Variants in TIGD1 observed in about 807,000 individuals in gnomAD.
The protein encoded by TIGD1 is tigger transposable element-derived protein 1.
In TIGD1, 20 loss-of-function variants were observed where a neutral mutation model predicts 21.3. The ratio of observed to expected loss-of-function variants is 0.94; its 90% CI spans 0.66 to 1.36. TIGD1 has a LOEUF of 1.36. Among genes scored for constraint, TIGD1 ranks in the 40% most tolerant of loss-of-function variants. TIGD1 has a pLI of 0.00. For synonymous variants in TIGD1, 177 were observed against 123.2 expected (o/e 1.44, Z -2.89); for missense variants, 556 against 350.5 (o/e 1.59, Z -4.68).
rs1375693286 is a variant in TIGD1 at position 232,546,944 on chromosome 2, G to A, written c.*1163C>T. On this transcript the variant is annotated 3_prime_UTR_variant, in exon 1 of 1. Coordinates refer to ENST00000408957, the MANE Select transcript of TIGD1 (RefSeq NM_145702.4). ...GAGGAGACTTTGACTGGCCTCCCTT[G>A]ACCCCACTAATCAGGTAGTAAGGCT... Among the ~76,000 whole-genome samples, 2 of 140,892 alleles carry A rather than the reference G, an allele frequency of 1.4e-5. No individual in the cohort carries two copies. The highest frequency in any genetic ancestry group is 3.1e-5 in the Non-Finnish European group (2 of 64,712). The allele number at this position is 140,892 out of a possible 152,430, so 92.4% of individuals were successfully genotyped here.
chr2:232,549,755 A>T lies in TIGD1; in HGVS notation c.128T>A (p.Leu43Gln), dbSNP rs1032371270. 2.9e-6 allele frequency: 4 copies of T among 1,389,494 alleles called. No individual in the cohort carries two copies. The highest frequency in any genetic ancestry group is 3.0e-6 in the Non-Finnish European group (3 of 999,300). The allele number at this position is 1,389,494 out of a possible 1,614,324, so 86.1% of individuals were successfully genotyped here. A position where few individuals can be genotyped will look rare whatever the true frequency, so the allele number is the denominator to read the frequency against. ...KAEIGRRLGL[L>Q]RQTVSQVVNA... The stretch of plus-strand genomic sequence containing the variant: ...TACAACTTGGCTAACTGTTTGCCGC[A>T]GGAGGCCTAGCCTTCGGCCTATCTC... The change falls in exon 1 of 1, where the codon CTG (leucine) becomes CAG (glutamine). Residue 43 changes from leucine (L) to glutamine (Q), a missense_variant. Transcript: ENST00000408957.
Position 232,548,271 on chromosome 2 carries a change from T to C in TIGD1, c.1612A>G (p.Lys538Glu), listed in dbSNP as rs780797390. Residue 538 changes from lysine to glutamate, a missense_variant, in exon 1 of 1, where the codon AAG (lysine) becomes GAG (glutamate). Transcript: ENST00000408957. ...ACYREIFHER[K>E]SQLMRKASPM... is the part of the protein sequence containing the mutation. ...GAAGCTTTTCGCATGAGTTGACTCT[T>C]CCTTTCATGAAAGATTTCTCTGTAG... The C allele has an allele frequency of 1.9e-6, 3 of 1,539,956 alleles. No individual in the cohort carries two copies. The highest frequency in any genetic ancestry group is 2.7e-5 in the African/African-American group (2 of 72,894).
rs1054955061 is a variant in TIGD1 at position 232,546,788 on chromosome 2, C to T, written c.*1319G>A. On this transcript the variant is annotated 3_prime_UTR_variant, in exon 1 of 1. Transcript: ENST00000408957. ...TGAAGTCCAGAATTCCTGACTCTGA[C>T]CCAATCTGACACTCTAAGATTCTAC... Among the ~76,000 whole-genome samples, 2 of 152,148 alleles carry T rather than the reference C, an allele frequency of 1.3e-5. No homozygotes were observed. The highest frequency in any genetic ancestry group is 4.8e-5 in the African/African-American group (2 of 41,426).
At position 232,548,091 on chromosome 2, in the gene TIGD1, TA is replaced by T; in HGVS notation, c.*15del. On this transcript the variant is annotated 3_prime_UTR_variant, in exon 1 of 1. Coordinates refer to ENST00000408957, the MANE Select transcript of TIGD1 (RefSeq NM_145702.4). ...CCTAAATTTAAAAATACTTTATTGC[TA>T]AAAAATGCTGATTATCAATCTGAGC... 1.6e-6 allele frequency: 1 copy of T among 634,582 alleles called. No homozygotes were observed. The highest frequency in any genetic ancestry group is 2.6e-6 in the Non-Finnish European group (1 of 380,208). The allele number at this position is 634,582 out of a possible 1,614,324, so 39.3% of individuals were successfully genotyped here.
In TIGD1 at chr2:232,545,120, A is replaced by G. The variant is rs1692100286; in HGVS notation, c.*2987T>C. 6.6e-6 allele frequency among the ~76,000 whole-genome samples: 1 copy of G among 152,058 alleles called. No homozygotes were observed. The highest frequency in any genetic ancestry group is 2.4e-5 in the African/African-American group (1 of 41,422). On this transcript the variant is annotated 3_prime_UTR_variant, in exon 1 of 1. Transcript: ENST00000408957. ...GAGACCAGCCTGGCCAACATGGCAAAACCCTATCTCTACCAAAAATACCAA... is the reference window on the plus strand; with the variant it reads ...GAGACCAGCCTGGCCAACATGGCAAGACCCTATCTCTACCAAAAATACCAA...
rs1692245725 is a variant in TIGD1 at position 232,549,971 on chromosome 2, C to CT, written c.-90dup. 2.7e-6 allele frequency: 2 copies of CT among 732,580 alleles called. No individual in the cohort carries two copies. The highest frequency in any genetic ancestry group is 4.5e-6 in the Non-Finnish European group (2 of 448,966). The allele number at this position is 732,580 out of a possible 1,614,324, so 45.4% of individuals were successfully genotyped here. On this transcript the variant is annotated 5_prime_UTR_variant, in exon 1 of 1. Coordinates refer to ENST00000408957, the MANE Select transcript of TIGD1 (RefSeq NM_145702.4). ...AAGAGGGAGAGAGATGGGGAACGGTCTGTGGGTGGAGCGGTCAGAACACAC... is the reference window on the plus strand; with the variant it reads ...AAGAGGGAGAGAGATGGGGAACGGTCTTGTGGGTGGAGCGGTCAGAACACAC...
rs1437928768 is a variant in TIGD1, at chr2:232,550,514, A to G, written c.-632T>C. On this transcript the variant is annotated 5_prime_UTR_variant, in exon 1 of 1. Coordinates refer to ENST00000408957, the MANE Select transcript of TIGD1 (RefSeq NM_145702.4). Reference sequence around the variant, plus strand: ...TCACAAGGACCTGGACAGAGGCAGAACTGAGGCCAGCAGCCAGCTCCGCCG... The same window carrying G: ...TCACAAGGACCTGGACAGAGGCAGAGCTGAGGCCAGCAGCCAGCTCCGCCG... The G allele has an allele frequency of 1.6e-6, 1 of 625,838 alleles. No individual in the cohort carries two copies. Among genetic ancestry groups the G allele is most frequent in the African/African-American group, 2.0e-5 (1 of 50,676 alleles). 38.8% of individuals were successfully genotyped at this position (625,838 alleles called of 1,614,324 possible).
chr2:232,549,714 AC>A lies in TIGD1; in HGVS notation c.168del (p.Lys56AsnfsTer3), dbSNP rs1426566659. The A allele has an allele frequency of 1.1e-6, 1 of 908,998 alleles. No individual in the cohort carries two copies. The highest frequency in any genetic ancestry group is 2.6e-5 in the East Asian group (1 of 38,132). The allele number at this position is 908,998 out of a possible 1,614,324, so 56.3% of individuals were successfully genotyped here. A position where few individuals can be genotyped will look rare whatever the true frequency, so the allele number is the denominator to read the frequency against. On this transcript the variant is annotated frameshift_variant, in exon 1 of 1. Transcript: ENST00000408957. LOFTEE classifies it high-confidence loss of function. ...GTAGCACTTTTAACTTCCTTCAAGA[AC>A]TTTTCCTTTGCATTTACAACTTGGC... ...TVSQVVNAKE[K>X]FLKEVKSATP... is the part of the protein sequence containing the mutation.
Position 232,545,691 on chromosome 2 carries a change from G to A in TIGD1, c.*2416C>T, listed in dbSNP as rs767708955. The stretch of plus-strand genomic sequence containing the variant: ...GCCCTGCCATTCCCTGGAGATCCAC[G>A]CCCCTACCTGCCCTCACCAGACTGA... On this transcript the variant is annotated 3_prime_UTR_variant, in exon 1 of 1. Transcript: ENST00000408957. 8.1e-6 allele frequency: 13 copies of A among 1,614,038 alleles called. No homozygotes were observed. Among genetic ancestry groups the A allele is most frequent in the South Asian group, 2.2e-5 (2 of 91,078 alleles).
chr2:232,548,916 T>C lies in TIGD1; in HGVS notation c.967A>G (p.Met323Val), dbSNP rs759718762. Reference protein sequence around the residue: ...EIYEEINVIFMPANTTSILQP... With the variant: ...EIYEEINVIFVPANTTSILQP... ...AGAATGGATGTTGTGTTAGCAGGCA[T>C]GAAAATAACATTAATCTCCTCGTAT... Residue 323 changes from methionine to valine, a missense_variant, in exon 1 of 1, where the codon ATG becomes GTG. By Grantham distance (21) the Met-to-Val change is conservative. Coordinates refer to ENST00000408957, the MANE Select transcript of TIGD1 (RefSeq NM_145702.4). The C allele has an allele frequency of 1.7e-4, 111 of 668,910 alleles. No homozygotes were observed. In the African/African-American group the frequency reaches 1.8e-3, roughly 11 times the overall value. The allele number at this position is 668,910 out of a possible 1,614,324, so 41.4% of individuals were successfully genotyped here.
rs923565895 is a variant in TIGD1, at chr2:232,549,208, A to G, written c.675T>C (p.Ala225=). 13 of 692,406 alleles carry G rather than the reference A, an allele frequency of 1.9e-5. No homozygotes were observed. Among genetic ancestry groups the G allele is most frequent in the Non-Finnish European group, 3.4e-5 (13 of 378,294 alleles). The allele number at this position is 692,406 out of a possible 1,614,324, so 42.9% of individuals were successfully genotyped here. A position where few individuals can be genotyped will look rare whatever the true frequency, so the allele number is the denominator to read the frequency against. ...SKDRLTLLLG[A]NAAGDFKLKP... ...TCAACTTAAAGTCACCAGCTGCATT[A>G]GCCCCTAACAAGAGAGTCAGCCTGT... The change falls in exon 1 of 1, where the codon GCT becomes GCC. Residue 225 remains alanine, a synonymous_variant. Transcript: ENST00000408957.
At position 232,544,769 on chromosome 2, in the gene TIGD1, C is replaced by G. The variant is rs1692092882; in HGVS notation, c.*3338G>C. 1 of 1,613,874 alleles carries G rather than the reference C, an allele frequency of 6.2e-7. No homozygotes were observed. Among genetic ancestry groups the G allele is most frequent in the Non-Finnish European group, 8.5e-7 (1 of 1,179,896 alleles). On this transcript the variant is annotated 3_prime_UTR_variant, in exon 1 of 1. Transcript: ENST00000408957. Reference sequence around the variant, plus strand: ...CCCAAACCTTACCCTTTCTCTTTATCAGAGAAAGGCCCGGAGTTAGGGCTG... The same window carrying G: ...CCCAAACCTTACCCTTTCTCTTTATGAGAGAAAGGCCCGGAGTTAGGGCTG...
In TIGD1 at chr2:232,544,768, T is replaced by C; in HGVS notation, c.*3339A>G. Reference sequence around the variant, plus strand: ...TCCCAAACCTTACCCTTTCTCTTTATCAGAGAAAGGCCCGGAGTTAGGGCT... The same window carrying C: ...TCCCAAACCTTACCCTTTCTCTTTACCAGAGAAAGGCCCGGAGTTAGGGCT... On this transcript the variant is annotated 3_prime_UTR_variant, in exon 1 of 1. Transcript: ENST00000408957. 6.2e-7 allele frequency: 1 copy of C among 1,613,808 alleles called. No homozygotes were observed.
Position 232,547,141 on chromosome 2 carries a change from TCACACC to T in TIGD1, c.*960_*965del. ...TCCATTCCTGGCCAGGTGTGGTGGC[TCACACC>T]TGCAATCCCAGCACCTTGGGAGGAC... On this transcript the variant is annotated 3_prime_UTR_variant, in exon 1 of 1. Coordinates refer to ENST00000408957, the MANE Select transcript of TIGD1 (RefSeq NM_145702.4). 6.6e-6 allele frequency among the ~76,000 whole-genome samples: 1 copy of T among 152,126 alleles called. No homozygotes were observed. Among genetic ancestry groups the T allele is most frequent in the Non-Finnish European group, 1.5e-5 (1 of 68,010 alleles).
In TIGD1 at chr2:232,548,498, A is replaced by G. The variant is rs751828577; in HGVS notation, c.1385T>C (p.Leu462Pro). 115 of 662,348 alleles carry G rather than the reference A, an allele frequency of 1.7e-4. No homozygotes were observed. The South Asian group carries it at 1.9e-3, about 11-fold the overall frequency. 41.0% of individuals were successfully genotyped at this position (662,348 alleles called of 1,614,324 possible). A position where few individuals can be genotyped will look rare whatever the true frequency, so the allele number is the denominator to read the frequency against. The change falls in exon 1 of 1, where the codon CTT (leucine) becomes CCT (proline). Residue 462 changes from leucine (L) to proline (P), a missense_variant. Leu to Pro is a moderately conservative substitution (Grantham distance 98). Coordinates refer to ENST00000408957, the MANE Select transcript of TIGD1 (RefSeq NM_145702.4). ...AAACCACTTTCTTTGCGCATCCATA[A>G]GAAACAACTCCTCATCTGTTAAAGT... ...DKTLTDEELF[L>P]MDAQRKWFLE...
At position 232,545,000 on chromosome 2, in the gene TIGD1, G is replaced by A. The variant is rs1022361026; in HGVS notation, c.*3107C>T. 1 of 1,522,272 alleles carries A rather than the reference G, an allele frequency of 6.6e-7. No homozygotes were observed. Among genetic ancestry groups the A allele is most frequent in the Non-Finnish European group, 9.0e-7 (1 of 1,109,228 alleles). 94.3% of individuals were successfully genotyped at this position (1,522,272 alleles called of 1,614,324 possible). ...TGGGGTTGCCAAGATAGGGCAGTGG[G>A]ATGGAAAAACATGAGGCCGGGTGCA... is the stretch of plus-strand genomic sequence containing the variant. On this transcript the variant is annotated 3_prime_UTR_variant, in exon 1 of 1. Transcript: ENST00000408957.
Position 232,548,490 on chromosome 2 carries a change from C to T in TIGD1, c.1393G>A (p.Ala465Thr). 1 of 665,840 alleles carries T rather than the reference C, an allele frequency of 1.5e-6. No individual in the cohort carries two copies. The highest frequency in any genetic ancestry group is 1.8e-5 in the South Asian group (1 of 56,932). The allele number at this position is 665,840 out of a possible 1,614,324, so 41.2% of individuals were successfully genotyped here. ...LTDEELFLMD[A>T]QRKWFLEMES... ...ATCTCAAGAAACCACTTTCTTTGCGCATCCATAAGAAACAACTCCTCATCT... is the reference window on the plus strand; with the variant it reads ...ATCTCAAGAAACCACTTTCTTTGCGTATCCATAAGAAACAACTCCTCATCT... Residue 465 changes from alanine (A) to threonine (T), a missense_variant, in exon 1 of 1, where the codon GCG becomes ACG. Coordinates refer to ENST00000408957, the MANE Select transcript of TIGD1 (RefSeq NM_145702.4).
rs1433310262 is a variant in TIGD1, at chr2:232,549,783, C to G, written c.100G>C (p.Ala34Pro). The G allele has an allele frequency of 1.3e-6, 2 of 1,541,056 alleles. No homozygotes were observed. The highest frequency in any genetic ancestry group is 8.8e-7 in the Non-Finnish European group (1 of 1,138,406). Reference protein sequence around the residue: ...IKLSEEGMSKAEIGRRLGLLR... With the variant: ...IKLSEEGMSKPEIGRRLGLLR... The stretch of plus-strand genomic sequence containing the variant: ...AGGCCTAGCCTTCGGCCTATCTCGG[C>G]TTTTGACATACCTTCCTCACTCAGT... The change falls in exon 1 of 1, where the codon GCC (alanine) becomes CCC (proline). Residue 34 changes from alanine to proline, a missense_variant. Transcript: ENST00000408957.
Position 232,544,983 on chromosome 2 carries a change from C to T in TIGD1, c.*3124G>A. On this transcript the variant is annotated 3_prime_UTR_variant, in exon 1 of 1. Coordinates refer to ENST00000408957, the MANE Select transcript of TIGD1 (RefSeq NM_145702.4). The stretch of plus-strand genomic sequence containing the variant: ...GATAGAGACAGGATGAGTGGGGTTG[C>T]CAAGATAGGGCAGTGGGATGGAAAA... 1.3e-6 allele frequency: 2 copies of T among 1,574,646 alleles called. No homozygotes were observed. The highest frequency in any genetic ancestry group is 1.7e-6 in the Non-Finnish European group (2 of 1,150,570).
Sources: gnomAD v4.1 joint callset for allele counts (sites outside exome capture counted in the v4.1 genomes callset) on GRCh38, gnomAD v4.1.1 for gene constraint, MANE v1.5 for transcripts, NCBI Gene and HGNC (gene_info 2026-07-23, HGNC 2026-07-21) for gene names.